Variants in RERE observed in about 807,000 individuals in gnomAD.
RERE encodes arginine-glutamic acid dipeptide repeats, also known as arginine-glutamic acid dipeptide repeats protein.
In RERE, 40 loss-of-function variants were observed where a neutral mutation model predicts 146.1. That is an observed-to-expected ratio of 0.27 (90% CI 0.21 to 0.36). The LOEUF is 0.36. Ranked by LOEUF, RERE falls within the 10% of genes least tolerant of loss-of-function variation. RERE has a pLI of 1.00. For synonymous variants in RERE, 1,003 were observed against 866.0 expected (o/e 1.16, Z -2.78); for missense variants, 1,933 against 2,138.7 (o/e 0.90, Z 1.90).
intron 11 of RERE, among the ~76,000 whole-genome samples, chr1:8,458,322 T>C (rs1644479895): frequency 6.6e-6 from 1 of 151,984 alleles, no homozygotes; most frequent in Non-Finnish European, 1.5e-5. Context: ...CCCTTGAAAA[T>C]GAGATGGAAA....
intron 12 of RERE, among the ~76,000 whole-genome samples, chr1:8,386,106 T>C (rs1336778047): frequency 1.1e-4 from 14 of 132,212 alleles, no homozygotes; most frequent in Admixed American, 9.7e-4. Flanking sequence ...AGCTTCCATG[T>C]AGGTGAAGAC....
Position 8,520,753 on chromosome 1 carries a change from T to TAAAAA in RERE, c.831-12079_831-12078insTTTTT, listed in dbSNP as rs368609572. On this transcript the variant is annotated intron_variant, in intron 7 of 22. Transcript: ENST00000400908. ...CATGGAGATTCAGCCAAAAAACTTT[T>TAAAAA]TAAAAAAAAAAAAAAAAAAAAAACC... Among the ~76,000 whole-genome samples the TAAAAA allele has an allele frequency of 3.0e-3, 232 of 78,110 alleles. 3 individuals are homozygous for TAAAAA. Among genetic ancestry groups the TAAAAA allele is most frequent in the African/African-American group, 5.5e-3 (130 of 23,454 alleles). 51.2% of individuals were successfully genotyped at this position (78,110 alleles called of 152,430 possible). A position where few individuals can be genotyped will look rare whatever the true frequency, so the allele number is the denominator to read the frequency against.
intron 3 of RERE, among the ~76,000 whole-genome samples, chr1:8,616,246 C>T (rs182345559): frequency 1.3e-3 from 202 of 152,264 alleles, no homozygotes; most frequent in African/African-American, 4.6e-3. Context: ...TTATTTTAAA[C>T]ATGCAAATAG....
rs1165736950 is a variant in RERE, at chr1:8,533,049, C to T, written c.830+8165G>A. ...ACCCAGCCTGATTTATTTTTCTTTT[C>T]GGTCTAATGAGATTAAAAAAATTAT... On this transcript the variant is annotated intron_variant, in intron 7 of 22. Transcript: ENST00000400908. Among the ~76,000 whole-genome samples the T allele has an allele frequency of 3.3e-5, 5 of 152,250 alleles. No individual in the cohort carries two copies. The South Asian group carries it at 6.2e-4, about 19-fold the overall frequency.
At chr1:8,780,604 T>A (rs1188120039) in intron 1 of RERE, among the ~76,000 whole-genome samples, 1 of 152,004 alleles carries the variant, frequency 6.6e-6, no homozygotes. Context: ...AAAGTACAGG[T>A]GGAGAGGAAG....
intron 1 of RERE, among the ~76,000 whole-genome samples, chr1:8,678,076 A>G (rs2045820): frequency 0.56 from 85,339 of 152,020 alleles, 24,739 homozygotes; most frequent in East Asian, 0.83. Context: ...TGGTTTCCCA[A>G]GCCAACCCTT....
intron 1 of RERE, among the ~76,000 whole-genome samples, chr1:8,725,534 C>T (rs1639945277): frequency 6.6e-6 from 1 of 151,996 alleles, no homozygotes; most frequent in African/African-American, 2.4e-5. Context: ...CCACTGCACT[C>T]CAGCCTGAGC....
chr1:8,693,597 G>C (rs541345810), intron 1 of RERE, among the ~76,000 whole-genome samples: 21 of 152,266 alleles, frequency 1.4e-4, no homozygotes, highest in African/African-American at 4.3e-4. Context: ...GGCAGAGAGG[G>C]AGGGATGAAT....
chr1:8,610,079 G>A (rs1042174069), intron 4 of RERE, among the ~76,000 whole-genome samples: 3 of 152,088 alleles, frequency 2.0e-5, no homozygotes, highest in African/African-American at 7.2e-5. Context: ...CTGATTTGAG[G>A]TTTTAAATGA....
In RERE at chr1:8,361,274, T is replaced by C; in HGVS notation, c.2233A>G (p.Thr745Ala). Reference protein sequence around the residue: ...QAQPPALQAPTGVTPAPSSAP... With the variant: ...QAQPPALQAPAGVTPAPSSAP... ...GAGGAGGGAGCTGGGGTGACCCCAG[T>C]GGGAGCCTGCAAGGCTGGGGGCTGG... Residue 745 changes from threonine (T) to alanine (A), a missense_variant, in exon 18 of 23, where the codon ACT becomes GCT. This residue lies in a region of RERE where 1,255 missense variants were observed against 1,153.8 expected (regional missense o/e 1.09). Transcript: ENST00000400908. 6.3e-7 allele frequency: 1 copy of C among 1,593,428 alleles called. No homozygotes were observed.
intron 12 of RERE, among the ~76,000 whole-genome samples, chr1:8,387,359 T>C (rs1372505346): frequency 6.6e-6 from 1 of 152,188 alleles, no homozygotes; most frequent in Non-Finnish European, 1.5e-5. Flanking sequence ...AGCAAAATTA[T>C]AAAACTTTTA....
At chr1:8,522,245 T>C (rs541485098) in intron 7 of RERE, among the ~76,000 whole-genome samples, 9 of 152,350 alleles carry the variant, frequency 5.9e-5, no homozygotes, top group Admixed American at 2.6e-4. Context: ...GTACACACCA[T>C]CTAAAATATT....
chr1:8,680,444 C>T (rs1055797754), intron 1 of RERE, among the ~76,000 whole-genome samples: 1 of 152,100 alleles, frequency 6.6e-6, no homozygotes, highest in Admixed American at 6.5e-5. Context: ...AGCAAATTCT[C>T]GCCCGGAATT....
At chr1:8,560,671 G>A (rs1185278172) in intron 4 of RERE, among the ~76,000 whole-genome samples, 1 of 152,194 alleles carries the variant, frequency 6.6e-6, no homozygotes, top group African/African-American at 2.4e-5. Context: ...ATCTAGAACT[G>A]AGTAGGTGCT....
At position 8,359,954 on chromosome 1, in the gene RERE, G is replaced by A. The variant is rs1641489334; in HGVS notation, c.3428C>T (p.Ser1143Leu). ...GAAGTACAGGTCTGTCCGGGCACAC[G>A]AGTTGTAGCCCCGGTCCAGGTGTTT... ...FYKHLDRGYN[S>L]CARTDLYFMP... Residue 1143 changes from serine (S) to leucine (L), a missense_variant, in exon 19 of 23, where the codon TCG (serine) becomes TTG (leucine). Ser to Leu is a moderately radical substitution (Grantham distance 145, BLOSUM62 -2). Coordinates refer to ENST00000400908, the MANE Select transcript of RERE (RefSeq NM_001042681.2). 1.9e-6 allele frequency: 3 copies of A among 1,613,086 alleles called. No homozygotes were observed. The highest frequency in any genetic ancestry group is 1.7e-6 in the Non-Finnish European group (2 of 1,180,030).
At chr1:8,369,025 A>T (rs1641925648) in intron 12 of RERE, among the ~76,000 whole-genome samples, 1 of 152,174 alleles carries the variant, frequency 6.6e-6, no homozygotes, top group African/African-American at 2.4e-5. Flanking sequence ...TACAGGCCCA[A>T]TCTCTACAAA....
At position 8,477,693 on chromosome 1, in the gene RERE, T is replaced by A. The variant is rs1490534876; in HGVS notation, c.1105-11670A>T. ...CAGTTACATCAGTATTAAGAAACATTTACAGTAACTGCTTTAAATCCTACT... is the reference window on the plus strand; with the variant it reads ...CAGTTACATCAGTATTAAGAAACATATACAGTAACTGCTTTAAATCCTACT... On this transcript the variant is annotated intron_variant, in intron 10 of 22. Transcript: ENST00000400908. 4.6e-5 allele frequency among the ~76,000 whole-genome samples: 7 copies of A among 152,122 alleles called. No homozygotes were observed. In the South Asian group the frequency reaches 1.5e-3, roughly 32 times the overall value.
chr1:8,499,059 C>T (rs1645092503), intron 8 of RERE, among the ~76,000 whole-genome samples: 2 of 152,150 alleles, frequency 1.3e-5, no homozygotes, highest in East Asian at 1.9e-4. Context: ...CTCACCCACA[C>T]TCTGCTGGGA....
chr1:8,599,007 C>G (rs1395729276), intron 4 of RERE, among the ~76,000 whole-genome samples: 1 of 152,224 alleles, frequency 6.6e-6, no homozygotes, highest in East Asian at 1.9e-4. Flanking sequence ...TTGTGCTGTT[C>G]CAACTGACAA....
Sources: gnomAD v4.1 joint callset for allele counts (sites outside exome capture counted in the v4.1 genomes callset) on GRCh38, gnomAD v4.1.1 for gene constraint, gnomAD v4.1.1 regional missense constraint, MANE v1.5 for transcripts, NCBI Gene and HGNC (gene_info 2026-07-23, HGNC 2026-07-21) for gene names.